CYP2C18: variants seen among roughly 807,000 people sequenced by gnomAD.
CYP2C18 encodes the protein cytochrome P450 family 2 subfamily C member 18.
Under a neutral mutation model 41.3 loss-of-function variants are expected in CYP2C18, and 38 were observed. The observed-to-expected ratio is 0.92, with a 90% CI of 0.71 to 1.21. CYP2C18 has a LOEUF of 1.21. Ranked by LOEUF, CYP2C18 falls within the 50% of genes most tolerant of loss-of-function variation. CYP2C18 has a pLI of 0.00. For synonymous variants in CYP2C18, 236 were observed against 210.0 expected (o/e 1.12, Z -1.07); for missense variants, 635 against 591.4 (o/e 1.07, Z -0.77).
At chr10:94,713,307 A>G (rs900569848) in intron 5 of CYP2C18, among the ~76,000 whole-genome samples, 2 of 151,974 alleles carry the variant, frequency 1.3e-5, no homozygotes, top group African/African-American at 4.8e-5. Flanking sequence ...CATTAGGTAT[A>G]TCTCTTAATG....
At chr10:94,712,173 T>TTTA (rs1564644435) in intron 5 of CYP2C18, among the ~76,000 whole-genome samples, 1 of 150,030 alleles carries the variant, frequency 6.7e-6, no homozygotes, top group Non-Finnish European at 1.5e-5. Context: ...TTTTTTTTTT[T>TTTA]ATTTAAGGTT....
intron 3 of CYP2C18, among the ~76,000 whole-genome samples, chr10:94,694,445 C>T (rs1184234545): frequency 6.6e-6 from 1 of 152,042 alleles, no homozygotes; most frequent in African/African-American, 2.4e-5. Flanking sequence ...CTTTAGTCTC[C>T]CCCTCTGCTG....
At position 94,735,528 on chromosome 10, in the gene CYP2C18, T is replaced by A; in HGVS notation, c.*84T>A. On this transcript the variant is annotated 3_prime_UTR_variant, in exon 9 of 9. Coordinates refer to ENST00000285979, the MANE Select transcript of CYP2C18 (RefSeq NM_000772.3). ...GCCATTGGCCTCTCCCTTCTCTCTG[T>A]GAGGGATATTTTCTCTGACTTGTCA... 7.7e-7 allele frequency: 1 copy of A among 1,306,226 alleles called. No homozygotes were observed. The highest frequency in any genetic ancestry group is 1.5e-5 in the African/African-American group (1 of 68,224). 80.9% of individuals were successfully genotyped at this position (1,306,226 alleles called of 1,614,324 possible).
chr10:94,716,692 T>G (rs1847551589), intron 5 of CYP2C18, among the ~76,000 whole-genome samples: 1 of 152,210 alleles, frequency 6.6e-6, no homozygotes, highest in Non-Finnish European at 1.5e-5. Context: ...AGATGTCTAT[T>G]AGATCTGCTT....
intron 7 of CYP2C18, among the ~76,000 whole-genome samples, chr10:94,732,870 T>G (rs1018779797): frequency 5.3e-5 from 8 of 151,852 alleles, no homozygotes; most frequent in Non-Finnish European, 1.0e-4. Context: ...ACTCGGGTGA[T>G]GGAATTATTT....
chr10:94,730,623 C>G (rs919880850), intron 7 of CYP2C18, among the ~76,000 whole-genome samples: 7 of 152,024 alleles, frequency 4.6e-5, no homozygotes, highest in Admixed American at 3.9e-4. Context: ...TTAATGAAGA[C>G]CAGGTATGTT....
At position 94,735,450 on chromosome 10, in the gene CYP2C18, G is replaced by T. The variant is rs184489530; in HGVS notation, c.*6G>T. The stretch of plus-strand genomic sequence containing the variant: ...TCTGCTTCATTCCTGTCTGAAGAAG[G>T]GCAGATAGTTTGGCTGCTCCTGTGC... On this transcript the variant is annotated 3_prime_UTR_variant, in exon 9 of 9. Coordinates refer to ENST00000285979, the MANE Select transcript of CYP2C18 (RefSeq NM_000772.3). The T allele has an allele frequency of 1.2e-3, 1,959 of 1,613,072 alleles. 12 individuals are homozygous for T. The Middle Eastern group carries it at 0.03, about 25-fold the overall frequency.
At chr10:94,714,358 G>A (rs1847501480) in intron 5 of CYP2C18, among the ~76,000 whole-genome samples, 1 of 152,192 alleles carries the variant, frequency 6.6e-6, no homozygotes, top group South Asian at 2.1e-4. Flanking sequence ...TTTTGTATAA[G>A]ATGTAAGGAA....
chr10:94,722,259 T>C (rs1847659379), intron 6 of CYP2C18, among the ~76,000 whole-genome samples: 1 of 152,008 alleles, frequency 6.6e-6, no homozygotes, highest in African/African-American at 2.4e-5. Context: ...AAATGGTACT[T>C]GTCAATATTT....
intron 2 of CYP2C18, 73 bp from the exon 3 acceptor site, chr10:94,688,052 G>A (rs1475700957): frequency 8.7e-6 from 14 of 1,606,674 alleles, no homozygotes; most frequent in African/African-American, 1.3e-5. Flanking sequence ...ACCTGTCCAC[G>A]TGGCTGCCGA....
intron 7 of CYP2C18, among the ~76,000 whole-genome samples, chr10:94,725,257 A>C (rs890633805): frequency 6.6e-6 from 1 of 151,224 alleles, no homozygotes; most frequent in African/African-American, 2.4e-5. Context: ...AATATACTTT[A>C]AAAAAAATGC....
chr10:94,728,834 A>T (rs1847785753), intron 7 of CYP2C18, among the ~76,000 whole-genome samples: 1 of 152,168 alleles, frequency 6.6e-6, no homozygotes, highest in Non-Finnish European at 1.5e-5. Context: ...ACAACAACTG[A>T]AAGTCACAAT....
At chr10:94,698,676 A>T (rs1847171674) in intron 4 of CYP2C18, among the ~76,000 whole-genome samples, 1 of 145,892 alleles carries the variant, frequency 6.9e-6, no homozygotes, top group South Asian at 2.4e-4. Context: ...CCTTCAAAAA[A>T]TCAATGAATC....
intron 3 of CYP2C18, among the ~76,000 whole-genome samples, chr10:94,688,750 A>C (rs963688311): frequency 6.6e-6 from 1 of 152,204 alleles, no homozygotes; most frequent in East Asian, 1.9e-4. Flanking sequence ...TTTTCAAATC[A>C]TTACAGCATG....
intron 5 of CYP2C18, among the ~76,000 whole-genome samples, chr10:94,711,452 A>G (rs1847434553): frequency 6.6e-6 from 1 of 152,074 alleles, no homozygotes; most frequent in Non-Finnish European, 1.5e-5. Flanking sequence ...TCTGTCACCC[A>G]GGCTGGAATG....
At chr10:94,724,593 T>C in intron 7 of CYP2C18, 60 bp downstream of exon 7, 1 of 1,455,230 alleles carries the variant, frequency 6.9e-7, no homozygotes. Context: ...ATTCATAGTA[T>C]AGTCCCAATC....
At chr10:94,709,207 A>G (rs534709365) in intron 5 of CYP2C18, among the ~76,000 whole-genome samples, 2 of 152,344 alleles carry the variant, frequency 1.3e-5, no homozygotes, top group South Asian at 4.1e-4. Flanking sequence ...AAACCTAGGC[A>G]TGAAATTTGC....
chr10:94,727,401 A>G (rs1373614330), intron 7 of CYP2C18, among the ~76,000 whole-genome samples: 1 of 152,046 alleles, frequency 6.6e-6, no homozygotes, highest in Non-Finnish European at 1.5e-5. Flanking sequence ...GATCATTTGC[A>G]CCCAGGAGCT....
intron 5 of CYP2C18, among the ~76,000 whole-genome samples, chr10:94,710,858 TATTAA>T (rs1847423873): frequency 6.6e-6 from 1 of 152,216 alleles, no homozygotes; most frequent in South Asian, 2.1e-4. Flanking sequence ...ATAACAGCCT[TATTAA>T]ATTAATGCTG....
Sources: gnomAD v4.1 joint callset for allele counts (sites outside exome capture counted in the v4.1 genomes callset) on GRCh38, gnomAD v4.1.1 for gene constraint, MANE v1.5 for transcripts, NCBI Gene and HGNC (gene_info 2026-07-23, HGNC 2026-07-21) for gene names.